The following UGGT2 variants were observed in gnomAD, a reference collection of about 807,000 sequenced individuals.
The protein encoded by UGGT2 is UDP-glucose:glycoprotein glucosyltransferase 2.
UGGT2 carries 180 observed loss-of-function variants against 192.1 expected under a neutral mutation model. The observed-to-expected ratio is 0.94, with a 90% CI of 0.83 to 1.06. The LOEUF is 1.06. UGGT2 is among the 50% of genes least tolerant of loss of function. The probability of loss-of-function intolerance (pLI) is 0.00; values close to 1 mark genes in which losing one functional copy is unlikely to be tolerated. For missense variants in UGGT2, 1,849 were observed against 1,795.7 expected (o/e 1.03, Z -0.54); for synonymous variants, 580 against 591.0 (o/e 0.98, Z 0.27).
chr13:95,949,575 AAT>A, intron 12 of UGGT2, 121 bp from the exon 13 acceptor site: 4 of 990,138 alleles, frequency 4.0e-6, no homozygotes, highest in Non-Finnish European at 4.0e-6. Flanking sequence ...TTTCTGATTA[AAT>A]AGAGGAGCTA....
intron 1 of UGGT2, among the ~76,000 whole-genome samples, chr13:96,034,977 T>G (rs2052956502): frequency 6.6e-6 from 1 of 152,172 alleles, no homozygotes; most frequent in Admixed American, 6.5e-5. Flanking sequence ...AGGGCAAAGG[T>G]GCTACCAGCC....
rs551062385 is a variant in UGGT2 at position 96,031,812 on chromosome 13, C to T, written c.241+77G>A. The T allele has an allele frequency of 3.6e-6, 4 of 1,099,638 alleles. No homozygotes were observed. The East Asian group carries it at 7.5e-5, about 20-fold the overall frequency. The allele number at this position is 1,099,638 out of a possible 1,614,324, so 68.1% of individuals were successfully genotyped here. A position where few individuals can be genotyped will look rare whatever the true frequency, so the allele number is the denominator to read the frequency against. On this transcript the variant is annotated intron_variant, in intron 2 of 38. Coordinates refer to ENST00000376747, the MANE Select transcript of UGGT2 (RefSeq NM_020121.4). Reference sequence around the variant, plus strand: ...GTGAAGCATTCACACTTAACCATTACCATTAAAAAATAATAAACATTACAA... The same window carrying T: ...GTGAAGCATTCACACTTAACCATTATCATTAAAAAATAATAAACATTACAA...
At chr13:95,908,284 G>C (rs1480489183) in intron 20 of UGGT2, among the ~76,000 whole-genome samples, 1 of 152,198 alleles carries the variant, frequency 6.6e-6, no homozygotes. Context: ...TGGTGTACCT[G>C]AAAGTGATGG....
intron 5 of UGGT2, among the ~76,000 whole-genome samples, chr13:96,005,168 T>C (rs1463505442): frequency 6.6e-6 from 1 of 151,892 alleles, no homozygotes; most frequent in South Asian, 2.1e-4. Context: ...TATTAGAAAA[T>C]TTTCTGAAGA....
intron 24 of UGGT2, among the ~76,000 whole-genome samples, chr13:95,891,485 C>T (rs1196684408): frequency 1.3e-5 from 2 of 151,998 alleles, no homozygotes; most frequent in African/African-American, 4.8e-5. Flanking sequence ...CTGTCCTATC[C>T]GTTTTTATCT....
intron 22 of UGGT2, among the ~76,000 whole-genome samples, chr13:95,898,117 C>T (rs1240530816): frequency 6.6e-6 from 1 of 152,110 alleles, no homozygotes; most frequent in African/African-American, 2.4e-5. Flanking sequence ...CCACTAGAAC[C>T]ATTCTGGTCC....
At chr13:95,871,344 T>C (rs928497702) in intron 29 of UGGT2, among the ~76,000 whole-genome samples, 1 of 152,214 alleles carries the variant, frequency 6.6e-6, no homozygotes. Flanking sequence ...ATAAAAATGT[T>C]CAGAAAAGGG....
At chr13:95,890,039 C>G (rs1421675774) in intron 25 of UGGT2, among the ~76,000 whole-genome samples, 1 of 152,170 alleles carries the variant, frequency 6.6e-6, no homozygotes, top group East Asian at 1.9e-4. Context: ...GCAGCCTACA[C>G]TTAGACCAGG....
At chr13:95,859,233 T>G (rs1023029316) in intron 33 of UGGT2, among the ~76,000 whole-genome samples, 6 of 152,182 alleles carry the variant, frequency 3.9e-5, no homozygotes, top group Non-Finnish European at 2.9e-5. Flanking sequence ...GTCTTTGTAT[T>G]TTCTTGATAC....
intron 30 of UGGT2, among the ~76,000 whole-genome samples, chr13:95,865,062 T>C (rs1224052511): frequency 6.6e-6 from 1 of 152,230 alleles, no homozygotes; most frequent in Non-Finnish European, 1.5e-5. Flanking sequence ...TCTATTGCAG[T>C]GACCCACTTT....
chr13:95,949,600 CTAAAT>C, intron 12 of UGGT2, 146 bp from the exon 13 acceptor site: 1 of 810,280 alleles, frequency 1.2e-6, no homozygotes, highest in Non-Finnish European at 1.7e-6. Context: ...TTAATATTCT[CTAAAT>C]TAAGGAATAC....
At chr13:95,950,595 G>A (rs1238884579) in intron 12 of UGGT2, among the ~76,000 whole-genome samples, 19 of 130,932 alleles carry the variant, frequency 1.5e-4, no homozygotes, top group Non-Finnish European at 2.2e-4. Context: ...AATGAAACAG[G>A]AAAAAAAAAA....
intron 38 of UGGT2, among the ~76,000 whole-genome samples, chr13:95,832,480 T>C (rs982534686): frequency 5.9e-5 from 9 of 152,152 alleles, no homozygotes; most frequent in African/African-American, 2.2e-4. Flanking sequence ...TTAAACATAC[T>C]AGAACCACAA....
chr13:95,880,616 G>C (rs1301953980), intron 27 of UGGT2, among the ~76,000 whole-genome samples: 1 of 152,122 alleles, frequency 6.6e-6, no homozygotes, highest in Non-Finnish European at 1.5e-5. Context: ...GTCAACCATG[G>C]TCCAAAAATA....
intron 1 of UGGT2, among the ~76,000 whole-genome samples, chr13:96,039,785 C>T (rs1594626820): frequency 1.3e-5 from 2 of 152,292 alleles, no homozygotes; most frequent in Admixed American, 6.5e-5. Context: ...ACTGTAGAAA[C>T]CAAGTCAGCC....
intron 30 of UGGT2, among the ~76,000 whole-genome samples, 178 bp from the exon 31 acceptor site, chr13:95,863,892 A>T (rs550705011): frequency 6.6e-6 from 1 of 152,284 alleles, no homozygotes; most frequent in South Asian, 2.1e-4. Flanking sequence ...TTTAACTATC[A>T]ATTCAACCTC....
chr13:95,817,011 T>C lies in UGGT2; in HGVS notation c.4529-15199A>G, dbSNP rs371208432. 4.6e-5 allele frequency among the ~76,000 whole-genome samples: 7 copies of C among 152,216 alleles called. No individual in the cohort carries two copies. In the South Asian group the frequency reaches 1.5e-3, roughly 32 times the overall value. On this transcript the variant is annotated intron_variant, in intron 38 of 38. Coordinates refer to ENST00000376747, the MANE Select transcript of UGGT2 (RefSeq NM_020121.4). ...GCATGTTGGCACATGCTTGTAATCCTAGCTACTTTGAGAAGCTGAGACACA... is the reference window on the plus strand; with the variant it reads ...GCATGTTGGCACATGCTTGTAATCCCAGCTACTTTGAGAAGCTGAGACACA...
intron 15 of UGGT2, among the ~76,000 whole-genome samples, chr13:95,943,592 T>C (rs1423382352): frequency 1.3e-5 from 2 of 152,014 alleles, no homozygotes; most frequent in African/African-American, 4.8e-5. Context: ...AAATAATTAA[T>C]AAATATTTGT....
chr13:96,016,026 C>G (rs2052327520), intron 4 of UGGT2, among the ~76,000 whole-genome samples: 1 of 152,202 alleles, frequency 6.6e-6, no homozygotes, highest in Non-Finnish European at 1.5e-5. Flanking sequence ...CCCTAGGGAT[C>G]TGTGGAAGTT....
Sources: allele counts gnomAD v4.1 joint callset (sites outside exome capture counted in the v4.1 genomes callset), GRCh38; gene constraint gnomAD v4.1.1; transcripts MANE v1.5; gene names NCBI Gene and HGNC (gene_info 2026-07-23, HGNC 2026-07-21).